ADAMTS6: variants seen among roughly 807,000 people sequenced by gnomAD.
ADAMTS6 encodes the protein ADAM metallopeptidase with thrombospondin type 1 motif 6, also known as A disintegrin and metalloproteinase with thrombospondin motifs 6.
ADAMTS6 carries 23 observed loss-of-function variants against 144.3 expected under a neutral mutation model. The ratio of observed to expected loss-of-function variants is 0.16; its 90% CI spans 0.11 to 0.23. The LOEUF (loss-of-function observed/expected upper bound fraction) is 0.23. Ranked by LOEUF, ADAMTS6 falls within the 10% of genes least tolerant of loss-of-function variation. The pLI, the probability that ADAMTS6 is intolerant of heterozygous loss-of-function variation, is 1.00. For synonymous variants in ADAMTS6, 444 were observed against 457.5 expected, an observed-to-expected ratio of 0.97 and a Z score of 0.38; for missense variants, 999 against 1,379.6, an observed-to-expected ratio of 0.72 and a Z score of 4.37.
At chr5:65,243,776 T>A (rs1353081305) in intron 14 of ADAMTS6, among the ~76,000 whole-genome samples, 6 of 152,096 alleles carry the variant, frequency 3.9e-5, no homozygotes, top group Non-Finnish European at 8.8e-5. Flanking sequence ...ACTTTTGTCA[T>A]GCAGCAGACT....
intron 3 of ADAMTS6, among the ~76,000 whole-genome samples, chr5:65,464,519 T>G (rs1055636277): frequency 1.3e-5 from 2 of 152,184 alleles, no homozygotes; most frequent in Non-Finnish European, 2.9e-5. Flanking sequence ...TATTTAAAAT[T>G]GAGAGAAATG....
intron 7 of ADAMTS6, among the ~76,000 whole-genome samples, chr5:65,339,955 T>C (rs1178402803): frequency 6.6e-6 from 1 of 152,062 alleles, no homozygotes; most frequent in East Asian, 1.9e-4. Context: ...TATGAAATAA[T>C]AACAGAAAAC....
chr5:65,378,354 A>T (rs928449940), intron 7 of ADAMTS6, among the ~76,000 whole-genome samples: 7 of 152,090 alleles, frequency 4.6e-5, no homozygotes, highest in Non-Finnish European at 1.0e-4. Context: ...CCAATCAACC[A>T]TCAATGCCTA....
chr5:65,234,157 T>G (rs943732702), intron 15 of ADAMTS6, among the ~76,000 whole-genome samples: 2 of 151,226 alleles, frequency 1.3e-5, no homozygotes, highest in Non-Finnish European at 3.0e-5. Context: ...GAAATGGGAT[T>G]AAAGAATTAA....
Position 65,214,460 on chromosome 5 carries a change from C to A in ADAMTS6, c.2575+334G>T. 1 of 375,298 alleles carries A rather than the reference C, an allele frequency of 2.7e-6. No individual in the cohort carries two copies. The allele number at this position is 375,298 out of a possible 1,614,324, so 23.2% of individuals were successfully genotyped here. A position where few individuals can be genotyped will look rare whatever the true frequency, so the allele number is the denominator to read the frequency against. On this transcript the variant is annotated intron_variant, in intron 20 of 24. Transcript: ENST00000381055. The surrounding 1 kb of genome is among the most constrained non-coding windows in gnomAD (Gnocchi z 4.6). ...GCATCTGTGATGTCTGATTCTTGCT[C>A]ATTTTCTTTTTTAAAACTTTTGATG...
intron 11 of ADAMTS6, among the ~76,000 whole-genome samples, chr5:65,287,742 C>T (rs1741818311): frequency 6.6e-6 from 1 of 152,070 alleles, no homozygotes; most frequent in South Asian, 2.1e-4. Flanking sequence ...GTTGGTCAGG[C>T]TGGTCTCGAA....
chr5:65,284,730 A>G (rs1763235181), intron 11 of ADAMTS6, among the ~76,000 whole-genome samples: 1 of 152,178 alleles, frequency 6.6e-6, no homozygotes, highest in Non-Finnish European at 1.5e-5. Context: ...TAAGTAAAAT[A>G]TAACAATGGT....
chr5:65,405,541 T>G (rs1410456439), intron 7 of ADAMTS6, among the ~76,000 whole-genome samples: 1 of 152,230 alleles, frequency 6.6e-6, no homozygotes, highest in Non-Finnish European at 1.5e-5. Flanking sequence ...CTGTGTTGGT[T>G]ACTGTAGCCT....
chr5:65,219,223 T>C (rs1196163274), intron 18 of ADAMTS6, among the ~76,000 whole-genome samples: 1 of 152,148 alleles, frequency 6.6e-6, no homozygotes, highest in African/African-American at 2.4e-5. Flanking sequence ...TAAAGTTCTA[T>C]TGGAACACAG....
At chr5:65,211,608 C>CA (rs1230784248) in intron 20 of ADAMTS6, among the ~76,000 whole-genome samples, 9 of 151,266 alleles carry the variant, frequency 5.9e-5, no homozygotes, top group South Asian at 2.1e-4. Context: ...TCTCAAAACA[C>CA]AAAAAAACCC....
At chr5:65,269,070 G>A (rs540617408) in intron 12 of ADAMTS6, among the ~76,000 whole-genome samples, 7 of 152,152 alleles carry the variant, frequency 4.6e-5, no homozygotes, top group East Asian at 1.9e-4. Context: ...TCCATTTCTC[G>A]GAGACACACA....
At chr5:65,458,867 T>C (rs1290291953) in intron 4 of ADAMTS6, among the ~76,000 whole-genome samples, 1 of 152,240 alleles carries the variant, frequency 6.6e-6, no homozygotes, top group East Asian at 1.9e-4. Context: ...TTTAGTGTAC[T>C]AGAAACAGTC....
At chr5:65,334,014 A>AC in intron 8 of ADAMTS6, 28 bp downstream of exon 8, 44 of 1,407,424 alleles carry the variant, frequency 3.1e-5, no homozygotes, top group Admixed American at 6.1e-5. Flanking sequence ...AAAAAAAAAA[A>AC]AAAAAAAAAA....
chr5:65,345,419 T>C (rs1748227019), intron 7 of ADAMTS6, among the ~76,000 whole-genome samples: 1 of 151,758 alleles, frequency 6.6e-6, no homozygotes, highest in African/African-American at 2.4e-5. Flanking sequence ...AATATAGTAT[T>C]GCCTTGGTAA....
intron 7 of ADAMTS6, among the ~76,000 whole-genome samples, chr5:65,442,594 GA>G (rs533557859): frequency 6.6e-6 from 1 of 151,614 alleles, no homozygotes; most frequent in East Asian, 1.9e-4. Flanking sequence ...TACAGTCTAA[GA>G]AAAAACTACA....
chr5:65,301,446 T>A (rs1455438379), intron 9 of ADAMTS6, among the ~76,000 whole-genome samples: 3 of 152,196 alleles, frequency 2.0e-5, no homozygotes, highest in Non-Finnish European at 4.4e-5. Context: ...TGGGAATAGG[T>A]AAGTACAAGA....
intron 18 of ADAMTS6, among the ~76,000 whole-genome samples, chr5:65,222,231 G>A (rs1346811693): frequency 2.6e-5 from 4 of 152,124 alleles, no homozygotes; most frequent in East Asian, 1.9e-4. Context: ...TGGGAAGCTC[G>A]ATTACTCAAC....
intron 3 of ADAMTS6, among the ~76,000 whole-genome samples, chr5:65,467,593 GCCCTATATATT>G (rs1760126539): frequency 6.6e-6 from 1 of 151,904 alleles, no homozygotes; most frequent in Non-Finnish European, 1.5e-5. Context: ...TAAATTTTAT[GCCCTATATATT>G]CCCTTTCCCA....
intron 7 of ADAMTS6, among the ~76,000 whole-genome samples, chr5:65,378,712 T>C (rs1244476175): frequency 1.3e-5 from 2 of 152,188 alleles, no homozygotes; most frequent in Admixed American, 6.5e-5. Context: ...TTTCTCTGTT[T>C]ACTACAGCAC....
Sources: allele counts gnomAD v4.1 joint callset (sites outside exome capture counted in the v4.1 genomes callset), GRCh38; gene constraint gnomAD v4.1.1; non-coding constraint Gnocchi (gnomAD v3.1); transcripts MANE v1.5; gene names NCBI Gene and HGNC (gene_info 2026-07-23, HGNC 2026-07-21).